Variants in RAB11FIP4 observed in about 807,000 individuals in gnomAD.
The protein encoded by RAB11FIP4 is RAB11 family interacting protein 4.
Under a neutral mutation model 74.3 loss-of-function variants are expected in RAB11FIP4, and 23 were observed. That is an observed-to-expected ratio of 0.31 (90% CI 0.22 to 0.44). RAB11FIP4 has a LOEUF of 0.44. Among genes scored for constraint, RAB11FIP4 ranks in the 20% least tolerant of loss-of-function variants. The probability of loss-of-function intolerance (pLI) is 1.00; values close to 1 mark genes in which losing one functional copy is unlikely to be tolerated. For missense variants in RAB11FIP4, 630 were observed against 863.9 expected (o/e 0.73, Z 3.39); for synonymous variants, 360 against 359.9 (o/e 1.00, Z 0.00).
chr17:31,435,604 C>T (rs2071349975), intron 3 of RAB11FIP4, among the ~76,000 whole-genome samples: 1 of 152,204 alleles, frequency 6.6e-6, no homozygotes, highest in Admixed American at 6.5e-5. Flanking sequence ...GACCCCAAAA[C>T]ATGAGTATGT....
At chr17:31,454,023 G>A (rs1345283410) in intron 3 of RAB11FIP4, among the ~76,000 whole-genome samples, 1 of 150,172 alleles carries the variant, frequency 6.7e-6, no homozygotes, top group East Asian at 2.0e-4. Context: ...ACAGCCACCT[G>A]CTGCTCTAGC....
At chr17:31,502,028 A>G (rs1357168662) in intron 3 of RAB11FIP4, among the ~76,000 whole-genome samples, 2 of 152,124 alleles carry the variant, frequency 1.3e-5, no homozygotes, top group African/African-American at 4.8e-5. Context: ...GTTTGAGACT[A>G]GCCTGGACAA....
At chr17:31,506,799 A>G (rs2072358362) in intron 3 of RAB11FIP4, among the ~76,000 whole-genome samples, 1 of 152,212 alleles carries the variant, frequency 6.6e-6, no homozygotes, top group African/African-American at 2.4e-5. Flanking sequence ...ATGGATACTT[A>G]GTTGACTCCA....
chr17:31,519,223 C>T (rs1336624817), intron 4 of RAB11FIP4, among the ~76,000 whole-genome samples: 1 of 151,840 alleles, frequency 6.6e-6, no homozygotes, highest in Non-Finnish European at 1.5e-5. Context: ...ACCATGTTGG[C>T]CAGGATGGTC....
chr17:31,505,568 TATAATAATATATA>T (rs2072318745), intron 3 of RAB11FIP4, among the ~76,000 whole-genome samples: 2 of 74,788 alleles, frequency 2.7e-5, no homozygotes, highest in South Asian at 5.7e-4. Flanking sequence ...AATTATAATA[TATAATAATATATA>T]ATAATAATTA....
Position 31,532,874 on chromosome 17 carries a change from C to G in RAB11FIP4, c.*1142C>G, listed in dbSNP as rs2072895656. On this transcript the variant is annotated 3_prime_UTR_variant, in exon 15 of 15. Transcript: ENST00000621161. ...GGGAAAGTTGCAGGAAAACCTTAGT[C>G]TTCCATCCTTCTGACCCATGGTGGA... The G allele has an allele frequency of 6.6e-6, 1 of 152,228 alleles. No homozygotes were observed. The highest frequency in any genetic ancestry group is 2.4e-5 in the African/African-American group (1 of 41,458). 9.4% of individuals were successfully genotyped at this position (152,228 alleles called of 1,614,324 possible). A position where few individuals can be genotyped will look rare whatever the true frequency, so the allele number is the denominator to read the frequency against.
intron 3 of RAB11FIP4, among the ~76,000 whole-genome samples, chr17:31,475,048 T>G (rs114172519): frequency 6.6e-6 from 1 of 151,448 alleles, no homozygotes; most frequent in Non-Finnish European, 1.5e-5. Flanking sequence ...GAGGAACTCA[T>G]AGAGAAGGAG....
chr17:31,475,965 A>T (rs1298813470), intron 3 of RAB11FIP4, among the ~76,000 whole-genome samples: 1 of 152,120 alleles, frequency 6.6e-6, no homozygotes, highest in Non-Finnish European at 1.5e-5. Flanking sequence ...TTAATGAATC[A>T]ACAATATGTA....
Position 31,391,778 on chromosome 17 carries a change from CGCGGCGATGGCG to C in RAB11FIP4, c.-68_-57del. The stretch of plus-strand genomic sequence containing the variant: ...CCCAGACGGGCGGCCCCGGAGGGCG[CGCGGCGATGGCG>C]GCGGCGGGCAGGCGGCGGGCGCGGC... On this transcript the variant is annotated 5_prime_UTR_variant, in exon 1 of 15. The change abolishes an upstream ATG in the 5' untranslated region. Coordinates refer to ENST00000621161, the MANE Select transcript of RAB11FIP4 (RefSeq NM_032932.6). The C allele has an allele frequency of 1.0e-6, 1 of 960,730 alleles. No homozygotes were observed. The highest frequency in any genetic ancestry group is 1.2e-6 in the Non-Finnish European group (1 of 810,020). The allele number at this position is 960,730 out of a possible 1,614,324, so 59.5% of individuals were successfully genotyped here.
At chr17:31,415,013 CCAG>C (rs561591100) in intron 1 of RAB11FIP4, among the ~76,000 whole-genome samples, 1 of 152,324 alleles carries the variant, frequency 6.6e-6, no homozygotes, top group East Asian at 1.9e-4. Flanking sequence ...CATCCCTTCT[CCAG>C]CAGGGGAAGC....
At chr17:31,470,491 C>T (rs1419946421) in intron 3 of RAB11FIP4, among the ~76,000 whole-genome samples, 1 of 152,192 alleles carries the variant, frequency 6.6e-6, no homozygotes, top group African/African-American at 2.4e-5. Context: ...GTATTGGGCC[C>T]ACAGAACTAC....
At chr17:31,445,554 ATATATATATATATATATATATATATTTTT>A (rs1362028399) in intron 3 of RAB11FIP4, among the ~76,000 whole-genome samples, 12,276 of 37,278 alleles carry the variant, frequency 0.33, 1,581 homozygotes, top group South Asian at 0.43. Flanking sequence ...ATATATATAT[ATATATATATATATATATATATATATTTTT>A]TTTTTTTTTT....
chr17:31,522,792 G>T, intron 7 of RAB11FIP4: 1 of 224,770 alleles, frequency 4.4e-6, no homozygotes, highest in Non-Finnish European at 8.8e-6. Context: ...CATTGGGGCT[G>T]GTCACTTTGC....
chr17:31,421,081 T>C (rs1260935076), intron 1 of RAB11FIP4, among the ~76,000 whole-genome samples: 1 of 151,862 alleles, frequency 6.6e-6, no homozygotes, highest in Admixed American at 6.6e-5. Flanking sequence ...CAAAACTCCA[T>C]CTCAAACAAA....
At position 31,521,941 on chromosome 17, in the gene RAB11FIP4, G is replaced by T; in HGVS notation, c.785G>T (p.Arg262Leu). The T allele has an allele frequency of 1.2e-6, 2 of 1,614,178 alleles. No homozygotes were observed. The highest frequency in any genetic ancestry group is 1.7e-6 in the Non-Finnish European group (2 of 1,180,040). Residue 262 changes from arginine (R) to leucine (L), a missense_variant, in exon 6 of 15, where the codon CGG (arginine) becomes CTG (leucine). By Grantham distance (102) the Arg-to-Leu change is moderately radical (BLOSUM62 -2). Transcript: ENST00000621161. ...SSAGQTPRKM[R>L]HVYNSELLDV... ...GCGGGGCAGACGCCTAGGAAAATGCGGCACGTGTACAACAGCGAATTGCTA... is the reference window on the plus strand; with the variant it reads ...GCGGGGCAGACGCCTAGGAAAATGCTGCACGTGTACAACAGCGAATTGCTA...
intron 3 of RAB11FIP4, chr17:31,488,002 A>C: frequency 1.0e-6 from 1 of 978,274 alleles, no homozygotes; most frequent in Non-Finnish European, 1.2e-6. Context: ...CCCGCCCCCG[A>C]GTCCCGGGGC....
chr17:31,494,868 T>G (rs1712588086), intron 3 of RAB11FIP4, among the ~76,000 whole-genome samples: 1 of 152,134 alleles, frequency 6.6e-6, no homozygotes, highest in Admixed American at 6.5e-5. Flanking sequence ...TGGCAGTCTG[T>G]GAATGAGATG....
intron 3 of RAB11FIP4, among the ~76,000 whole-genome samples, chr17:31,497,374 C>CA (rs151121427): frequency 0.038 from 5,595 of 147,952 alleles, 316 homozygotes; most frequent in African/African-American, 0.13. Flanking sequence ...AAAAACAAAA[C>CA]AAAAAAAAAA....
At chr17:31,492,520 C>T (rs1370999194) in intron 3 of RAB11FIP4, among the ~76,000 whole-genome samples, 1 of 152,132 alleles carries the variant, frequency 6.6e-6, no homozygotes, top group East Asian at 1.9e-4. Context: ...GGATTTGTAG[C>T]TTTGGGCCTG....
Sources: allele counts gnomAD v4.1 joint callset (sites outside exome capture counted in the v4.1 genomes callset), GRCh38; gene constraint gnomAD v4.1.1; transcripts MANE v1.5; gene names NCBI Gene and HGNC (gene_info 2026-07-23, HGNC 2026-07-21).